Variants in DNAH6 observed in about 807,000 individuals in gnomAD.
DNAH6 encodes axonemal beta dynein heavy chain 6.
A neutral mutation model predicts 491.4 loss-of-function variants in DNAH6; 340 were observed. That is an observed-to-expected ratio of 0.69 (90% CI 0.63 to 0.76). The LOEUF is 0.76. DNAH6 is among the 30% of genes least tolerant of loss of function. The probability of loss-of-function intolerance (pLI) is 0.00; values close to 1 mark genes in which losing one functional copy is unlikely to be tolerated. For missense variants in DNAH6, 4,443 were observed against 4,972.2 expected (o/e 0.89, Z 3.20); for synonymous variants, 1,603 against 1,686.1 (o/e 0.95, Z 1.21).
At chr2:84,650,810 G>A (rs527389721) in intron 33 of DNAH6, among the ~76,000 whole-genome samples, 1 of 152,270 alleles carries the variant, frequency 6.6e-6, no homozygotes, top group East Asian at 1.9e-4. Context: ...AGTTCAGTTT[G>A]AGATCTTTCT....
chr2:84,486,644 A>G, the DNAH6 span, among the ~76,000 whole-genome samples: 2 of 152,228 alleles, frequency 1.3e-5, no homozygotes, highest in Non-Finnish European at 2.9e-5. Flanking sequence ...CTGTTAGTTA[A>G]TAGCTAACTG....
chr2:84,815,835 C>T (rs1474907005), intron 75 of DNAH6, 26 bp from the exon 76 acceptor site: 2 of 1,522,242 alleles, frequency 1.3e-6, no homozygotes, highest in South Asian at 1.2e-5. Flanking sequence ...CCCCATCTCA[C>T]TTTGAGACTT....
intron 31 of DNAH6, among the ~76,000 whole-genome samples, chr2:84,639,476 T>C (rs904205754): frequency 6.8e-6 from 1 of 147,304 alleles, no homozygotes; most frequent in Non-Finnish European, 1.5e-5. Context: ...TGGAGTGCAA[T>C]GGCACGATCT....
chr2:84,649,651 A>G (rs1297098600), intron 33 of DNAH6, among the ~76,000 whole-genome samples: 6 of 152,170 alleles, frequency 3.9e-5, no homozygotes, highest in African/African-American at 1.4e-4. Context: ...AAGGAATGAG[A>G]TCATGTTCCT....
intron 70 of DNAH6, among the ~76,000 whole-genome samples, chr2:84,801,497 T>C (rs371442650): frequency 1.4e-4 from 22 of 152,216 alleles, no homozygotes; most frequent in African/African-American, 5.3e-4. Context: ...ATATTACCTA[T>C]AAGGGGAATC....
intron 64 of DNAH6, among the ~76,000 whole-genome samples, chr2:84,765,809 TG>T (rs1329673713): frequency 5.3e-5 from 8 of 152,104 alleles, no homozygotes; most frequent in Non-Finnish European, 1.0e-4. Context: ...TTTATTTATA[TG>T]CTATTTAGAA....
chr2:84,712,460 T>TCA (rs1414169152), intron 56 of DNAH6, among the ~76,000 whole-genome samples: 1 of 152,130 alleles, frequency 6.6e-6, no homozygotes, highest in African/African-American at 2.4e-5. Context: ...CTACCAACAG[T>TCA]CAGATTTGCT....
At chr2:84,777,390 T>A (rs1044913580) in intron 64 of DNAH6, 2 of 457,984 alleles carry the variant, frequency 4.4e-6, no homozygotes, top group African/African-American at 3.9e-5. Context: ...CAAGGAACAT[T>A]AAGGAAGACA....
intron 65 of DNAH6, 74 bp downstream of exon 65, chr2:84,781,727 T>C: frequency 5.6e-6 from 8 of 1,431,804 alleles, no homozygotes; most frequent in South Asian, 1.5e-5. Flanking sequence ...TCATTCCTTA[T>C]AGTAATTCAT....
At chr2:84,474,178 T>G in the DNAH6 span, among the ~76,000 whole-genome samples, 1 of 152,330 alleles carries the variant, frequency 6.6e-6, no homozygotes, top group East Asian at 1.9e-4. Flanking sequence ...CTGGTTGTAG[T>G]GCACCCATGT....
chr2:84,709,235 G>A, intron 54 of DNAH6, 108 bp from the exon 55 acceptor site: 1 of 1,114,090 alleles, frequency 9.0e-7, no homozygotes, highest in Non-Finnish European at 1.3e-6. Context: ...AGACTGGGAG[G>A]GCTTAGCTCT....
At chr2:84,613,578 G>A (rs1380841823) in intron 22 of DNAH6, among the ~76,000 whole-genome samples, 2 of 152,112 alleles carry the variant, frequency 1.3e-5, no homozygotes. Flanking sequence ...GTAGTTTAGT[G>A]ATAAAGAAAT....
At chr2:84,476,608 G>C in the DNAH6 span, among the ~76,000 whole-genome samples, 123,059 of 152,066 alleles carry the variant, frequency 0.81, 52,619 homozygotes, top group Non-Finnish European at 0.93. Flanking sequence ...CTCATCATCT[G>C]TTTGAAATGG....
intron 59 of DNAH6, 76 bp downstream of exon 59, chr2:84,718,460 C>A: frequency 7.9e-7 from 1 of 1,259,392 alleles, no homozygotes; most frequent in Non-Finnish European, 1.0e-6. Flanking sequence ...GAGGGTCCTG[C>A]AAGGGCTTTT....
At chr2:84,484,152 C>A in the DNAH6 span, among the ~76,000 whole-genome samples, 3 of 152,080 alleles carry the variant, frequency 2.0e-5, no homozygotes, top group African/African-American at 7.2e-5. Context: ...CTTTTCTATT[C>A]CTGTCAGCGT....
At position 84,658,991 on chromosome 2, in the gene DNAH6, TA is replaced by T. The variant is rs1558866648; in HGVS notation, c.5941-31del. ...TTAGGATTCTTTTTATGTTCATATA[TA>T]AAATATTAAGTCTGTTTCTCTTTAT... On this transcript the variant is annotated intron_variant, in intron 36 of 76. Coordinates refer to ENST00000389394, the MANE Select transcript of DNAH6 (RefSeq NM_001370.2). 4 of 1,248,820 alleles carry T rather than the reference TA, an allele frequency of 3.2e-6. No homozygotes were observed. The South Asian group carries it at 6.0e-5, about 19-fold the overall frequency. The allele number at this position is 1,248,820 out of a possible 1,614,324, so 77.4% of individuals were successfully genotyped here. A position where few individuals can be genotyped will look rare whatever the true frequency, so the allele number is the denominator to read the frequency against.
At chr2:84,791,126 G>C (rs1053954973) in intron 68 of DNAH6, among the ~76,000 whole-genome samples, 2 of 150,292 alleles carry the variant, frequency 1.3e-5, no homozygotes, top group Non-Finnish European at 2.9e-5. Context: ...GAAAGCAAAT[G>C]TTGCAGTGAG....
intron 12 of DNAH6, 98 bp downstream of exon 12, chr2:84,573,685 G>A (rs1444681722): frequency 4.6e-6 from 5 of 1,094,044 alleles, no homozygotes; most frequent in African/African-American, 3.3e-5. Context: ...GACACAAATG[G>A]TAGCCCAAAA....
At chr2:84,689,576 C>A (rs1390004318) in intron 45 of DNAH6, among the ~76,000 whole-genome samples, 1 of 152,162 alleles carries the variant, frequency 6.6e-6, no homozygotes, top group Admixed American at 6.5e-5. Context: ...CAGAGCCAGG[C>A]AGAAGCCAAA....
Sources: allele counts gnomAD v4.1 joint callset (sites outside exome capture counted in the v4.1 genomes callset), GRCh38; gene constraint gnomAD v4.1.1; transcripts MANE v1.5; gene names NCBI Gene and HGNC (gene_info 2026-07-23, HGNC 2026-07-21).